Variants in SLC5A1 observed in about 807,000 individuals in gnomAD.
SLC5A1 encodes solute carrier family 5 member 1, also known as sodium/glucose cotransporter 1.
In SLC5A1, 42 loss-of-function variants were observed where a neutral mutation model predicts 73.5. That is an observed-to-expected ratio of 0.57 (90% CI 0.45 to 0.74). The LOEUF is 0.74. Ranked by LOEUF, SLC5A1 falls within the 30% of genes least tolerant of loss-of-function variation. The pLI is 0.00. For synonymous variants in SLC5A1, 300 were observed against 317.4 expected (o/e 0.95, Z 0.58); for missense variants, 634 against 855.4 (o/e 0.74, Z 3.23).
In SLC5A1 at chr22:32,103,000, C is replaced by T. The variant is rs574483673; in HGVS notation, c.1665+763C>T. Among the ~76,000 whole-genome samples the T allele has an allele frequency of 7.2e-5, 11 of 152,274 alleles. No individual in the cohort carries two copies. In the South Asian group the frequency reaches 2.3e-3, roughly 32 times the overall value. On this transcript the variant is annotated intron_variant, in intron 13 of 14. Coordinates refer to ENST00000266088, the MANE Select transcript of SLC5A1 (RefSeq NM_000343.4). ...GTGGACACTTAGATTGATTCCATATCTTGGCTACTGTGAATAGTGCTGCAG... is the reference window on the plus strand; with the variant it reads ...GTGGACACTTAGATTGATTCCATATTTTGGCTACTGTGAATAGTGCTGCAG...
chr22:32,090,100 C>CAAAAAAAA (rs11365344), intron 10 of SLC5A1, among the ~76,000 whole-genome samples: 6 of 105,558 alleles, frequency 5.7e-5, no homozygotes, highest in Non-Finnish European at 1.0e-4. Context: ...CCTTGTCTTT[C>CAAAAAAAA]AAAAAAAAAA....
intron 5 of SLC5A1, among the ~76,000 whole-genome samples, chr22:32,072,315 T>A (rs552246594): frequency 1.1e-4 from 16 of 152,264 alleles, no homozygotes; most frequent in South Asian, 2.1e-4. Flanking sequence ...ACATGCAGTA[T>A]TTGGTTTTCT....
chr22:32,109,400 C>T (rs2094052185), intron 14 of SLC5A1, among the ~76,000 whole-genome samples: 1 of 152,092 alleles, frequency 6.6e-6, no homozygotes, highest in East Asian at 1.9e-4. Flanking sequence ...CAGGTGTGGA[C>T]AGTTTGATTA....
intron 2 of SLC5A1, among the ~76,000 whole-genome samples, chr22:32,060,197 A>ATTT (rs761638585): frequency 1.4e-4 from 18 of 126,834 alleles, no homozygotes; most frequent in Non-Finnish European, 2.5e-4. Context: ...ATATATATAT[A>ATTT]TATTTTTTTA....
At position 32,110,565 on chromosome 22, in the gene SLC5A1, A is replaced by G. The variant is rs113625680; in HGVS notation, c.*352A>G. On this transcript the variant is annotated 3_prime_UTR_variant, in exon 15 of 15. Transcript: ENST00000266088. ...TCAGTGTGGTTTATAATCCTTGAAT[A>G]TTGTTTTAGAAACTTTGGTCTCCCT... 148 of 340,362 alleles carry G rather than the reference A, an allele frequency of 4.3e-4. No individual in the cohort carries two copies. The highest frequency in any genetic ancestry group is 2.8e-3 in the African/African-American group (134 of 47,218). 21.1% of individuals were successfully genotyped at this position (340,362 alleles called of 1,614,324 possible).
intron 10 of SLC5A1, among the ~76,000 whole-genome samples, chr22:32,087,117 G>A (rs1469566501): frequency 6.6e-6 from 1 of 152,152 alleles, no homozygotes; most frequent in Non-Finnish European, 1.5e-5. Flanking sequence ...GATCTGGGAA[G>A]ATGTTGGTCA....
intron 8 of SLC5A1, 102 bp from the exon 9 acceptor site, chr22:32,084,798 A>T: frequency 6.4e-7 from 1 of 1,560,148 alleles, no homozygotes; most frequent in Non-Finnish European, 8.8e-7. Context: ...CCAGTGATAC[A>T]GCAGTGCCAG....
intron 5 of SLC5A1, among the ~76,000 whole-genome samples, chr22:32,069,416 C>T (rs2093979316): frequency 6.6e-6 from 1 of 151,730 alleles, no homozygotes; most frequent in African/African-American, 2.4e-5. Flanking sequence ...TTTAGCTGGG[C>T]TTAGTAGTGT....
rs922830340 is a variant in SLC5A1 at position 32,087,304 on chromosome 22, C to A, written c.1129+977C>A. 5.9e-5 allele frequency among the ~76,000 whole-genome samples: 9 copies of A among 152,264 alleles called. No individual in the cohort carries two copies. The East Asian group carries it at 1.3e-3, about 23-fold the overall frequency. Reference sequence around the variant, plus strand: ...TAATGCATATATTTGCTAATTAGCTCAATTGAGCTAATGTATAGATATTTC... The same window carrying A: ...TAATGCATATATTTGCTAATTAGCTAAATTGAGCTAATGTATAGATATTTC... On this transcript the variant is annotated intron_variant, in intron 10 of 14. Transcript: ENST00000266088.
At chr22:32,093,133 G>C (rs1424775148) in intron 11 of SLC5A1, among the ~76,000 whole-genome samples, 1 of 151,880 alleles carries the variant, frequency 6.6e-6, no homozygotes, top group East Asian at 1.9e-4. Context: ...TTTATTTCTG[G>C]GTTCTCTCAT....
intron 10 of SLC5A1, among the ~76,000 whole-genome samples, chr22:32,091,130 C>T (rs998468861): frequency 3.3e-5 from 5 of 150,848 alleles, no homozygotes; most frequent in African/African-American, 1.2e-4. Context: ...TATATTAGAC[C>T]CTTATCAGAT....
chr22:32,086,380 G>C (rs1041634263), intron 10 of SLC5A1, 53 bp downstream of exon 10: 12 of 1,188,176 alleles, frequency 1.0e-5, no homozygotes, highest in Non-Finnish European at 1.4e-5. Context: ...GGCTGATTGG[G>C]TTTAGGCACC....
chr22:32,063,248 A>C (rs533505834), intron 2 of SLC5A1, among the ~76,000 whole-genome samples: 3 of 152,212 alleles, frequency 2.0e-5, no homozygotes, highest in Non-Finnish European at 4.4e-5. Context: ...TGTCTATAAC[A>C]GTATCCATTG....
At chr22:32,074,060 G>A (rs1569307033) in intron 5 of SLC5A1, among the ~76,000 whole-genome samples, 1 of 152,082 alleles carries the variant, frequency 6.6e-6, no homozygotes, top group Non-Finnish European at 1.5e-5. Context: ...ACACTGCAAT[G>A]AGCAGGAGGG....
At chr22:32,054,582 C>G (rs1254066307) in intron 2 of SLC5A1, among the ~76,000 whole-genome samples, 1 of 152,122 alleles carries the variant, frequency 6.6e-6, no homozygotes, top group Non-Finnish European at 1.5e-5. Context: ...GTGGAAGGAA[C>G]AGAATGGCCA....
intron 5 of SLC5A1, among the ~76,000 whole-genome samples, chr22:32,072,508 C>T (rs538143199): frequency 6.6e-6 from 1 of 152,124 alleles, no homozygotes; most frequent in Non-Finnish European, 1.5e-5. Context: ...CTGTGAATAA[C>T]GCTCAGCAGT....
intron 2 of SLC5A1, among the ~76,000 whole-genome samples, chr22:32,054,865 G>A (rs1184789595): frequency 6.6e-6 from 1 of 152,110 alleles, no homozygotes; most frequent in Non-Finnish European, 1.5e-5. Context: ...AGTAGAGACA[G>A]GGTTTCACCA....
chr22:32,081,021 A>T (rs1410777280), intron 5 of SLC5A1, among the ~76,000 whole-genome samples: 1 of 152,080 alleles, frequency 6.6e-6, no homozygotes, highest in Non-Finnish European at 1.5e-5. Flanking sequence ...AAGACTCACC[A>T]TGATCATCCC....
At chr22:32,054,997 T>C (rs1217606190) in intron 2 of SLC5A1, among the ~76,000 whole-genome samples, 1 of 152,178 alleles carries the variant, frequency 6.6e-6, no homozygotes, top group Admixed American at 6.5e-5. Flanking sequence ...TTAGATCAGG[T>C]GCTTTGAGTG....
Sources: allele counts gnomAD v4.1 joint callset (sites outside exome capture counted in the v4.1 genomes callset), GRCh38; gene constraint gnomAD v4.1.1; transcripts MANE v1.5; gene names NCBI Gene and HGNC (gene_info 2026-07-23, HGNC 2026-07-21).